The following CAMSAP1 variants were observed in gnomAD, a reference collection of about 807,000 sequenced individuals.
CAMSAP1 encodes calmodulin-regulated spectrin-associated protein 1.
Under a neutral mutation model 143.5 loss-of-function variants are expected in CAMSAP1, and 58 were observed. The observed-to-expected ratio is 0.40, with a 90% CI of 0.33 to 0.50. CAMSAP1 has a LOEUF of 0.50. Among genes scored for constraint, CAMSAP1 ranks in the 20% least tolerant of loss-of-function variants. The pLI is 0.45. For synonymous variants in CAMSAP1, 945 were observed against 859.3 expected, an observed-to-expected ratio of 1.10 and a Z score of -1.74; for missense variants, 1,969 against 2,115.7, an observed-to-expected ratio of 0.93 and a Z score of 1.36.
In CAMSAP1 at chr9:135,811,532, T is replaced by C. The variant is rs1368165343; in HGVS notation, c.4586A>G (p.Tyr1529Cys). The stretch of plus-strand genomic sequence containing the variant: ...GTAGATTTCCTCAGTATCAGGATAG[T>C]AGCAGTAAAGCGCCCTGAACTGGCA... ...AGCQFRALYC[Y>C]YPDTEEIYKL... is the part of the protein sequence containing the mutation. Residue 1529 changes from tyrosine (Y) to cysteine (C), a missense_variant, in exon 17 of 17, where the codon TAC becomes TGC. By Grantham distance (194) the Tyr-to-Cys change is radical. Coordinates refer to ENST00000389532, the MANE Select transcript of CAMSAP1 (RefSeq NM_015447.4). The surrounding 1 kb of genome is among the most constrained non-coding windows in gnomAD (Gnocchi z 4.9). The C allele has an allele frequency of 1.2e-6, 2 of 1,607,198 alleles. No homozygotes were observed. Among genetic ancestry groups the C allele is most frequent in the African/African-American group, 1.3e-5 (1 of 74,838 alleles).
chr9:135,894,169 TC>T (rs891199211), intron 1 of CAMSAP1, among the ~76,000 whole-genome samples: 3 of 151,828 alleles, frequency 2.0e-5, no homozygotes, highest in Non-Finnish European at 4.4e-5. Context: ...CAGCAAGAGA[TC>T]CCTCAGCCCA....
chr9:135,877,303 C>T (rs1259756395), intron 3 of CAMSAP1, among the ~76,000 whole-genome samples: 1 of 151,818 alleles, frequency 6.6e-6, no homozygotes, highest in Non-Finnish European at 1.5e-5. Context: ...AACTAATCCA[C>T]CGTGAAGATG....
rs1835486079 is a variant in CAMSAP1, at chr9:135,822,030, C to T, written c.2631G>A (p.Glu877=). Residue 877 remains glutamate (E), a synonymous_variant, in exon 11 of 17, where the codon GAG becomes GAA. Transcript: ENST00000389532. The surrounding 1 kb of genome is among the most constrained non-coding windows in gnomAD (Gnocchi z 6.1). ...CCAGCTGCATGTGCAGCTGTACCAG[C>T]TCAGATGCCAGGAGGCTGGCGGGAT... ...GKDPASLLAS[E]LVQLHMQLEE... 1 of 1,612,876 alleles carries T rather than the reference C, an allele frequency of 6.2e-7. No individual in the cohort carries two copies. Among genetic ancestry groups the T allele is most frequent in the African/African-American group, 1.3e-5 (1 of 75,070 alleles).
At chr9:135,845,342 A>G (rs1204605992) in intron 7 of CAMSAP1, among the ~76,000 whole-genome samples, 1 of 152,224 alleles carries the variant, frequency 6.6e-6, no homozygotes, top group African/African-American at 2.4e-5. Context: ...AACTCTCAAT[A>G]AACTAGGTAT....
chr9:135,885,336 C>A (rs1360295581), intron 1 of CAMSAP1, among the ~76,000 whole-genome samples: 4 of 152,180 alleles, frequency 2.6e-5, no homozygotes, highest in Admixed American at 2.6e-4. Context: ...TGTCTGGGGG[C>A]ACCTCGAGCC....
intron 4 of CAMSAP1, among the ~76,000 whole-genome samples, chr9:135,863,928 G>A (rs1837283375): frequency 6.6e-6 from 1 of 152,164 alleles, no homozygotes; most frequent in Non-Finnish European, 1.5e-5. Flanking sequence ...AAGATGGATG[G>A]GGTGGGCTTA....
chr9:135,825,012 AATG>A, intron 8 of CAMSAP1, 132 bp from the exon 9 acceptor site: 1 of 729,060 alleles, frequency 1.4e-6, no homozygotes, highest in Non-Finnish European at 2.2e-6. Flanking sequence ...TTGGGAAAAA[AATG>A]ACAATAAAAA....
intron 7 of CAMSAP1, among the ~76,000 whole-genome samples, chr9:135,849,302 T>C (rs1243055343): frequency 3.9e-5 from 6 of 152,138 alleles, no homozygotes; most frequent in Non-Finnish European, 7.4e-5. Context: ...AAAAACAAAA[T>C]GGTTGTAGGG....
intron 1 of CAMSAP1, among the ~76,000 whole-genome samples, chr9:135,897,987 A>G (rs774225900): frequency 2.6e-5 from 4 of 152,204 alleles, no homozygotes; most frequent in Non-Finnish European, 5.9e-5. Flanking sequence ...AAAATGAAAA[A>G]ACAACATATA....
At chr9:135,846,260 G>C (rs1225356743) in intron 7 of CAMSAP1, among the ~76,000 whole-genome samples, 2 of 152,074 alleles carry the variant, frequency 1.3e-5, no homozygotes, top group Non-Finnish European at 2.9e-5. Flanking sequence ...TGACAAATCT[G>C]ACAAAAACAA....
chr9:135,823,834 G>A (rs1835575446), intron 10 of CAMSAP1, 116 bp downstream of exon 10: 1 of 737,572 alleles, frequency 1.4e-6, no homozygotes, highest in African/African-American at 1.8e-5. Flanking sequence ...TCTGATTTCA[G>A]GCACTCCCTA....
chr9:135,849,643 T>C (rs1009738846), intron 7 of CAMSAP1, among the ~76,000 whole-genome samples: 4 of 152,138 alleles, frequency 2.6e-5, no homozygotes, highest in Non-Finnish European at 5.9e-5. Flanking sequence ...ATAGTTGGGG[T>C]TTTTTAAAAT....
intron 4 of CAMSAP1, among the ~76,000 whole-genome samples, chr9:135,865,653 C>T (rs765888109): frequency 2.8e-4 from 42 of 152,134 alleles, no homozygotes; most frequent in East Asian, 1.9e-4. Flanking sequence ...AGCTCTGACG[C>T]GGGAAGGGTC....
intron 5 of CAMSAP1, among the ~76,000 whole-genome samples, chr9:135,853,041 T>A (rs1836834970): frequency 6.6e-6 from 1 of 152,124 alleles, no homozygotes; most frequent in Non-Finnish European, 1.5e-5. Context: ...AAATTACTAA[T>A]GCATTCTAAA....
chr9:135,817,509 A>C (rs1256696294), intron 14 of CAMSAP1, among the ~76,000 whole-genome samples: 1 of 152,016 alleles, frequency 6.6e-6, no homozygotes, highest in Non-Finnish European at 1.5e-5. Flanking sequence ...CTACCACCTC[A>C]GCCTCCCAAG....
intron 1 of CAMSAP1, among the ~76,000 whole-genome samples, chr9:135,891,721 C>T (rs976464499): frequency 6.6e-6 from 1 of 152,134 alleles, no homozygotes; most frequent in African/African-American, 2.4e-5. Context: ...GAAGAGACAA[C>T]CAACAGAGGC....
chr9:135,899,970 C>T (rs1416408541), intron 1 of CAMSAP1, among the ~76,000 whole-genome samples: 1 of 152,148 alleles, frequency 6.6e-6, no homozygotes, highest in Non-Finnish European at 1.5e-5. Context: ...TACAGGAGGC[C>T]TGAAAAGGAT....
At chr9:135,864,815 G>A (rs566557334) in intron 4 of CAMSAP1, among the ~76,000 whole-genome samples, 1 of 152,318 alleles carries the variant, frequency 6.6e-6, no homozygotes, top group East Asian at 1.9e-4. Flanking sequence ...GAGGCAGCAG[G>A]AATGGCTGCA....
rs76904089 is a variant in CAMSAP1 at position 135,865,707 on chromosome 9, G to A, written c.666+749C>T. On this transcript the variant is annotated intron_variant, in intron 4 of 16. Transcript: ENST00000389532. ...CATGTGTTAAACATGACCATCTGAG[G>A]AACAGGGAGGAAGCTCAATGCTTAA... 6.4e-3 allele frequency among the ~76,000 whole-genome samples: 975 copies of A among 152,248 alleles called. 5 individuals carry two copies. Among genetic ancestry groups the A allele is most frequent in the African/African-American group, 0.022 (901 of 41,516 alleles).
Sources: allele counts gnomAD v4.1 joint callset (sites outside exome capture counted in the v4.1 genomes callset), GRCh38; gene constraint gnomAD v4.1.1; non-coding constraint Gnocchi (gnomAD v3.1); transcripts MANE v1.5; gene names NCBI Gene and HGNC (gene_info 2026-07-23, HGNC 2026-07-21).